TRIM34: variants seen among roughly 807,000 people sequenced by gnomAD.
TRIM34 encodes the protein tripartite motif containing 34, also known as E3 ubiquitin-protein ligase TRIM34.
In TRIM34, 41 loss-of-function variants were observed where a neutral mutation model predicts 38.1. The observed-to-expected ratio is 1.08, with a 90% confidence interval of 0.84 to 1.40. The LOEUF (loss-of-function observed/expected upper bound fraction) is 1.40. Ranked by LOEUF, TRIM34 falls within the 40% of genes most tolerant of loss-of-function variation. TRIM34 has a pLI of 0.00. For synonymous variants in TRIM34, 200 were observed against 202.5 expected (o/e 0.99, Z 0.10); for missense variants, 556 against 571.4 (o/e 0.97, Z 0.27).
At chr11:5,625,395 T>C (rs1488644901) in intron 1 of TRIM34, among the ~76,000 whole-genome samples, 3 of 152,154 alleles carry the variant, frequency 2.0e-5, no homozygotes, top group Non-Finnish European at 4.4e-5. Flanking sequence ...TCTCTTTCTC[T>C]CTCTCAAAGA....
Position 5,632,722 on chromosome 11 carries a change from G to C in TRIM34, c.391G>C (p.Val131Leu). ...TCAGGAGCACCGTGGTCACCACACA[G>C]TCCTCACGGAGGAAGTATTCAAGGA... ...RSQEHRGHHTVLTEEVFKECQ... is the reference protein window; with the variant it reads ...RSQEHRGHHTLLTEEVFKECQ... Residue 131 changes from valine (V) to leucine (L), a missense_variant, in exon 2 of 8, where the codon GTC becomes CTC. By Grantham distance (32) the Val-to-Leu change is conservative. Transcript: ENST00000429814. 1.2e-6 allele frequency: 2 copies of C among 1,610,018 alleles called. No homozygotes were observed. Among genetic ancestry groups the C allele is most frequent in the East Asian group, 2.2e-5 (1 of 44,756 alleles).
chr11:5,630,253 T>C (rs1487482940), intron 1 of TRIM34, among the ~76,000 whole-genome samples: 2 of 152,170 alleles, frequency 1.3e-5, no homozygotes, highest in African/African-American at 2.4e-5. Flanking sequence ...GGCGATGTGT[T>C]TTTTATAGGA....
intron 1 of TRIM34, among the ~76,000 whole-genome samples, chr11:5,627,431 A>G (rs1849295051): frequency 6.6e-6 from 1 of 152,170 alleles, no homozygotes; most frequent in South Asian, 2.1e-4. Flanking sequence ...TGGAAGAACA[A>G]TTTCCTGAAT....
At chr11:5,635,013 T>C (rs1260354001) in intron 4 of TRIM34, 152 bp downstream of exon 4, 8 of 769,436 alleles carry the variant, frequency 1.0e-5, no homozygotes, top group South Asian at 5.9e-5. Context: ...AATGACATTT[T>C]TATTAATTTA....
upstream of TRIM34, among the ~76,000 whole-genome samples, chr11:5,621,459 G>A (rs1258277864): frequency 2.0e-5 from 3 of 152,200 alleles, no homozygotes; most frequent in Admixed American, 2.0e-4. Flanking sequence ...GGAAATAGCT[G>A]CATATTCTTG....
intron 4 of TRIM34, among the ~76,000 whole-genome samples, chr11:5,639,244 T>C (rs1849878253): frequency 6.6e-6 from 1 of 152,158 alleles, no homozygotes; most frequent in African/African-American, 2.4e-5. Flanking sequence ...ATCAAAATTA[T>C]AGTAAAGGGT....
intron 6 of TRIM34, 112 bp from the exon 7 acceptor site, chr11:5,642,705 G>T: frequency 1.3e-6 from 2 of 1,482,112 alleles, no homozygotes; most frequent in Non-Finnish European, 9.1e-7. Flanking sequence ...TAATTCACTA[G>T]CTCACAGCTT....
At position 5,632,482 on chromosome 11, in the gene TRIM34, G is replaced by A; in HGVS notation, c.151G>A (p.Gly51Arg). 1 of 1,614,018 alleles carries A rather than the reference G, an allele frequency of 6.2e-7. No homozygotes were observed. The highest frequency in any genetic ancestry group is 8.5e-7 in the Non-Finnish European group (1 of 1,179,994). The stretch of plus-strand genomic sequence containing the variant: ...CAACAAGGAGGCAGTGACCAGCATG[G>A]GAGGAAAAAGCAGCTGTCCTGTGTG... ...VSNKEAVTSM[G>R]GKSSCPVCGI... The change falls in exon 2 of 8, where the codon GGA (glycine) becomes AGA (arginine). Residue 51 changes from glycine (G) to arginine (R), a missense_variant. Gly to Arg is a moderately radical substitution (Grantham distance 125). Coordinates refer to ENST00000429814, the MANE Select transcript of TRIM34 (RefSeq NM_021616.6).
intron 4 of TRIM34, among the ~76,000 whole-genome samples, chr11:5,637,796 C>G (rs1237361868): frequency 1.3e-5 from 2 of 152,192 alleles, no homozygotes; most frequent in Non-Finnish European, 2.9e-5. Flanking sequence ...CTTTCTGTCT[C>G]TATGACTTTG....
upstream of TRIM34, among the ~76,000 whole-genome samples, chr11:5,623,534 A>ATT (rs372066980): frequency 0.46 from 57,852 of 126,232 alleles, 13,451 homozygotes; most frequent in Non-Finnish European, 0.48. Context: ...TGCCCGGCTA[A>ATT]TTTTTTTTTT....
intron 4 of TRIM34, among the ~76,000 whole-genome samples, chr11:5,635,785 T>G (rs1849710358): frequency 1.3e-5 from 2 of 152,208 alleles, no homozygotes; most frequent in Non-Finnish European, 2.9e-5. Context: ...TTTCCTTTTG[T>G]CTTCTTTTTT....
rs145787574 is a variant in TRIM34 at position 5,634,830 on chromosome 11, G to C, written c.719G>C (p.Arg240Pro). Reference protein sequence around the residue: ...VRELISDVECRSQWSTMELLQ... With the variant: ...VRELISDVECPSQWSTMELLQ... ...GAGCTCATCTCAGATGTGGAGTGTC[G>C]GAGTCAGTGGTCAACAATGGAGCTG... The change falls in exon 4 of 8, where the codon CGG becomes CCG. Residue 240 changes from arginine (R) to proline (P), a missense_variant. By Grantham distance (103) the Arg-to-Pro change is moderately radical. Transcript: ENST00000429814. The C allele has an allele frequency of 9.3e-6, 15 of 1,612,898 alleles. No homozygotes were observed. Among genetic ancestry groups the C allele is most frequent in the Non-Finnish European group, 1.3e-5 (15 of 1,179,374 alleles).
chr11:5,642,565 C>T (rs1850060160), intron 6 of TRIM34, 59 bp downstream of exon 6: 1 of 1,585,680 alleles, frequency 6.3e-7, no homozygotes, highest in Non-Finnish European at 8.6e-7. Context: ...AGGTAATAAA[C>T]TGTCTAGGTG....
chr11:5,638,696 A>G (rs1023309902), intron 4 of TRIM34, among the ~76,000 whole-genome samples: 5 of 152,334 alleles, frequency 3.3e-5, no homozygotes, highest in African/African-American at 1.2e-4. Context: ...ATATGGCTGG[A>G]GAACAGCTTA....
intron 3 of TRIM34, 139 bp from the exon 4 acceptor site, chr11:5,634,490 AAT>A (rs1564886067): frequency 5.6e-6 from 2 of 358,366 alleles, no homozygotes; most frequent in South Asian, 1.0e-4. Context: ...AGATAATATA[AAT>A]ACACACACAC....
At chr11:5,634,341 T>C (rs1849617894) in intron 3 of TRIM34, among the ~76,000 whole-genome samples, 2 of 151,966 alleles carry the variant, frequency 1.3e-5, no homozygotes, top group Admixed American at 6.6e-5. Flanking sequence ...TTTGAGGTCA[T>C]TGTTTTGGTA....
upstream of TRIM34, among the ~76,000 whole-genome samples, chr11:5,622,558 C>T (rs947671224): frequency 2.4e-4 from 36 of 151,822 alleles, no homozygotes; most frequent in African/African-American, 8.2e-4. Flanking sequence ...GCGGAGGTTG[C>T]GGTGAGCCAA....
chr11:5,640,678 G>A (rs1849968520), intron 4 of TRIM34, among the ~76,000 whole-genome samples: 1 of 152,090 alleles, frequency 6.6e-6, no homozygotes, highest in South Asian at 2.1e-4. Flanking sequence ...ATTAGGAAGT[G>A]TTCCCTGCTC....
At chr11:5,641,118 T>C in intron 4 of TRIM34, 49 bp from the exon 5 acceptor site, 1 of 1,602,052 alleles carries the variant, frequency 6.2e-7, no homozygotes, top group Non-Finnish European at 8.5e-7. Flanking sequence ...TCATTAGTCT[T>C]ACACCAGTCT....
Sources: allele counts gnomAD v4.1 joint callset (sites outside exome capture counted in the v4.1 genomes callset), GRCh38; gene constraint gnomAD v4.1.1; transcripts MANE v1.5; gene names NCBI Gene and HGNC (gene_info 2026-07-23, HGNC 2026-07-21).